SLC30A4: variants seen among roughly 807,000 people sequenced by gnomAD.
SLC30A4 encodes solute carrier family 30 member 4.
In SLC30A4, 20 loss-of-function variants were observed where a neutral mutation model predicts 41.7. The ratio of observed to expected loss-of-function variants is 0.48; its 90% CI spans 0.34 to 0.70. SLC30A4 has a LOEUF of 0.70. Among genes scored for constraint, SLC30A4 ranks in the 30% least tolerant of loss-of-function variants. The pLI is 0.01. For missense variants in SLC30A4, 441 were observed against 529.3 expected (o/e 0.83, Z 1.64); for synonymous variants, 181 against 195.9 (o/e 0.92, Z 0.64).
intron 2 of SLC30A4, among the ~76,000 whole-genome samples, chr15:45,517,821 G>A (rs983757781): frequency 6.6e-6 from 1 of 151,942 alleles, no homozygotes; most frequent in Non-Finnish European, 1.5e-5. Flanking sequence ...GGTGGGGGGC[G>A]CCTGTAGTCC....
At position 45,487,633 on chromosome 15, in the gene SLC30A4, C is replaced by T; in HGVS notation, c.895-1G>A. 1.4e-6 allele frequency: 2 copies of T among 1,437,042 alleles called. No individual in the cohort carries two copies. Among genetic ancestry groups the T allele is most frequent in the Non-Finnish European group, 9.8e-7 (1 of 1,022,882 alleles). 89.0% of individuals were successfully genotyped at this position (1,437,042 alleles called of 1,614,324 possible). A position where few individuals can be genotyped will look rare whatever the true frequency, so the allele number is the denominator to read the frequency against. On this transcript the variant is annotated splice_acceptor_variant, in intron 5 of 7. Transcript: ENST00000261867. LOFTEE classifies it high-confidence loss of function. ...TGGGGTCAGCAATCTTGTATTCTGG[C>T]TAAAGGGTAATAGATCAAAATTTAT...
rs1153829 is a variant in SLC30A4 at position 45,485,146 on chromosome 15, T to C, written c.*17A>G. The C allele has an allele frequency of 0.21, 338,375 of 1,600,746 alleles. 38,912 individuals are homozygous for C. Among genetic ancestry groups the C allele is most frequent in the African/African-American group, 0.45 (33,496 of 74,274 alleles). Reference sequence around the variant, plus strand: ...ACTGCAGGATAAATAAGGCAGGAGTTCCCAAAATACATAAAATTAGGGACT... The same window carrying C: ...ACTGCAGGATAAATAAGGCAGGAGTCCCCAAAATACATAAAATTAGGGACT... On this transcript the variant is annotated 3_prime_UTR_variant, in exon 8 of 8. Transcript: ENST00000261867.
intron 3 of SLC30A4, among the ~76,000 whole-genome samples, chr15:45,499,024 T>C (rs1411551311): frequency 6.6e-6 from 1 of 151,954 alleles, no homozygotes; most frequent in Non-Finnish European, 1.5e-5. Flanking sequence ...AGTAAAACTA[T>C]GTATCATTAG....
intron 3 of SLC30A4, among the ~76,000 whole-genome samples, chr15:45,498,286 G>A (rs1426407547): frequency 6.6e-6 from 1 of 152,142 alleles, no homozygotes; most frequent in Non-Finnish European, 1.5e-5. Flanking sequence ...GAAGGAAAAA[G>A]AGTGGGCTAT....
At chr15:45,503,403 G>T (rs1892081218) in intron 3 of SLC30A4, among the ~76,000 whole-genome samples, 2 of 152,014 alleles carry the variant, frequency 1.3e-5, no homozygotes, top group Admixed American at 1.3e-4. Context: ...CGGATCACAA[G>T]GTCAGGAGTT....
rs1891610035 is a variant in SLC30A4, at chr15:45,482,059, A to T, written c.*3104T>A. 1.1e-5 allele frequency: 1 copy of T among 88,186 alleles called. No homozygotes were observed. Among genetic ancestry groups the T allele is most frequent in the Non-Finnish European group, 2.1e-5 (1 of 48,524 alleles). The allele number at this position is 88,186 out of a possible 1,614,324, so 5.5% of individuals were successfully genotyped here. A position where few individuals can be genotyped will look rare whatever the true frequency, so the allele number is the denominator to read the frequency against. On this transcript the variant is annotated 3_prime_UTR_variant, in exon 8 of 8. Coordinates refer to ENST00000261867, the MANE Select transcript of SLC30A4 (RefSeq NM_013309.6). Reference sequence around the variant, plus strand: ...AACATAGGGAGACCCCATCTCATTAAAAAAAAAAAAAAAAAAAAAAAAAAA... The same window carrying T: ...AACATAGGGAGACCCCATCTCATTATAAAAAAAAAAAAAAAAAAAAAAAAA...
rs376199116 is a variant in SLC30A4, at chr15:45,522,246, C to A, written c.109G>T (p.Asp37Tyr). Residue 37 changes from aspartate (D) to tyrosine (Y), a missense_variant, in exon 2 of 8, where the codon GAC becomes TAC. Coordinates refer to ENST00000261867, the MANE Select transcript of SLC30A4 (RefSeq NM_013309.6). ...SAFDFSDEAGDEGLSRFNKLR... is the reference protein window; with the variant it reads ...SAFDFSDEAGYEGLSRFNKLR... ...TTGTTGAACCGAGAAAGCCCCTCGT[C>A]CCCCGCCTCATCCGAGAAGTCAAAG... 6.8e-6 allele frequency: 11 copies of A among 1,614,082 alleles called. No homozygotes were observed. The highest frequency in any genetic ancestry group is 9.3e-6 in the Non-Finnish European group (11 of 1,180,032).
chr15:45,507,357 T>TAAATAAATAAATA (rs778693344), intron 3 of SLC30A4, among the ~76,000 whole-genome samples: 2 of 146,898 alleles, frequency 1.4e-5, no homozygotes, highest in Non-Finnish European at 3.0e-5. Context: ...AATAAATAAA[T>TAAATAAATAAATA]AATAAATTTC....
chr15:45,491,367 A>G (rs1891806872), intron 3 of SLC30A4, among the ~76,000 whole-genome samples: 1 of 152,274 alleles, frequency 6.6e-6, no homozygotes, highest in African/African-American at 2.4e-5. Flanking sequence ...TGACAAAATG[A>G]GAAAAAATAT....
intron 2 of SLC30A4, among the ~76,000 whole-genome samples, chr15:45,517,892 G>C (rs1053697563): frequency 4.0e-5 from 6 of 151,536 alleles, no homozygotes; most frequent in Non-Finnish European, 8.8e-5. Flanking sequence ...AGCTTGCAGT[G>C]AGCCGAGATC....
chr15:45,495,805 C>T (rs150192823), intron 3 of SLC30A4, among the ~76,000 whole-genome samples: 124 of 152,208 alleles, frequency 8.1e-4, no homozygotes, highest in African/African-American at 2.8e-3. Context: ...TACCTGCCTA[C>T]GTTAACAGTA....
At chr15:45,491,133 C>T (rs1308818706) in intron 3 of SLC30A4, among the ~76,000 whole-genome samples, 1 of 152,054 alleles carries the variant, frequency 6.6e-6, no homozygotes, top group Non-Finnish European at 1.5e-5. Flanking sequence ...AGTGATCCTC[C>T]CATCTCAGCC....
intron 3 of SLC30A4, among the ~76,000 whole-genome samples, chr15:45,494,316 G>A (rs1184622376): frequency 7.2e-5 from 11 of 152,126 alleles, no homozygotes; most frequent in Non-Finnish European, 2.9e-5. Flanking sequence ...AAGAGAAGGT[G>A]TAAGCCAAAT....
In SLC30A4 at chr15:45,480,455, T is replaced by C. The variant is rs1398843237; in HGVS notation, c.*4708A>G. On this transcript the variant is annotated 3_prime_UTR_variant, in exon 8 of 8. Transcript: ENST00000261867. Reference sequence around the variant, plus strand: ...AAATTGTATTTTGGCTACAAAGATATTAAACTTTATCAATTATTCGAAGAT... The same window carrying C: ...AAATTGTATTTTGGCTACAAAGATACTAAACTTTATCAATTATTCGAAGAT... The C allele has an allele frequency of 2.6e-5, 4 of 152,208 alleles. No homozygotes were observed. The highest frequency in any genetic ancestry group is 4.4e-5 in the Non-Finnish European group (3 of 68,028). 9.4% of individuals were successfully genotyped at this position (152,208 alleles called of 1,614,324 possible). A position where few individuals can be genotyped will look rare whatever the true frequency, so the allele number is the denominator to read the frequency against.
intron 3 of SLC30A4, among the ~76,000 whole-genome samples, chr15:45,503,489 G>A (rs757988183): frequency 2.0e-5 from 3 of 151,854 alleles, no homozygotes; most frequent in Non-Finnish European, 2.9e-5. Context: ...GGTGGTGGGC[G>A]CCTGTAGTCC....
chr15:45,514,788 T>A (rs373794566), intron 2 of SLC30A4, among the ~76,000 whole-genome samples: 5 of 152,292 alleles, frequency 3.3e-5, no homozygotes, highest in African/African-American at 1.2e-4. Context: ...GTGCTAGGAT[T>A]ACAGGCATGA....
intron 2 of SLC30A4, chr15:45,519,568 GAAT>G (rs1892602275): frequency 6.6e-6 from 1 of 152,070 alleles, no homozygotes; most frequent in Non-Finnish European, 1.5e-5. Context: ...ATAACATTTT[GAAT>G]AATATTGTTA....
At chr15:45,485,414 T>C in intron 7 of SLC30A4, 97 bp from the exon 8 acceptor site, 1 of 799,600 alleles carries the variant, frequency 1.3e-6, no homozygotes. Flanking sequence ...GGGAATATAT[T>C]TTTATTAGTC....
chr15:45,506,305 C>G (rs1393015372), intron 3 of SLC30A4, among the ~76,000 whole-genome samples: 7 of 152,086 alleles, frequency 4.6e-5, no homozygotes, highest in African/African-American at 1.7e-4. Context: ...AAAACCCATC[C>G]CTGTCCCACC....
Sources: allele counts gnomAD v4.1 joint callset (sites outside exome capture counted in the v4.1 genomes callset), GRCh38; gene constraint gnomAD v4.1.1; transcripts MANE v1.5; gene names NCBI Gene and HGNC (gene_info 2026-07-23, HGNC 2026-07-21).